Variants in SPRYD4 observed in about 807,000 individuals in gnomAD.
SPRYD4 encodes SPRY domain containing 4, also known as SPRY domain-containing protein 4.
SPRYD4 carries 12 observed loss-of-function variants against 16.6 expected under a neutral mutation model. The ratio of observed to expected loss-of-function variants is 0.72; its 90% CI spans 0.46 to 1.17. The LOEUF (loss-of-function observed/expected upper bound fraction) is 1.17, where lower values mean the gene tolerates loss of function less well. SPRYD4 is among the 50% of genes most tolerant of loss of function. The probability of loss-of-function intolerance (pLI) is 0.00; values close to 1 mark genes in which losing one functional copy is unlikely to be tolerated. For missense variants in SPRYD4, 260 were observed against 260.2 expected (o/e 1.00, Z 0.00); for synonymous variants, 98 against 105.4 (o/e 0.93, Z 0.43).
chr12:56,468,669 C>T lies in SPRYD4; in HGVS notation c.78C>T (p.Ala26=), dbSNP rs1020872100. The change falls in exon 1 of 2, where the codon GCC becomes GCT. Residue 26 remains alanine, a synonymous_variant. Transcript: ENST00000338146. The part of the protein sequence containing the change: ...AKRLGVASTE[A]QRGVSFKLEE... ...GATTGGGAGTTGCCTCCACAGAGGC[C>T]CAGAGAGGTAGGATTATCTCTTTTT... 6.2e-7 allele frequency: 1 copy of T among 1,613,650 alleles called. No individual in the cohort carries two copies. Among genetic ancestry groups the T allele is most frequent in the Admixed American group, 1.7e-5 (1 of 60,018 alleles).
chr12:56,472,396 C>T lies in SPRYD4; in HGVS notation c.*2819C>T. 1.6e-6 allele frequency: 1 copy of T among 611,390 alleles called. No individual in the cohort carries two copies. Among genetic ancestry groups the T allele is most frequent in the South Asian group, 2.0e-5 (1 of 50,346 alleles). The allele number at this position is 611,390 out of a possible 1,614,324, so 37.9% of individuals were successfully genotyped here. On this transcript the variant is annotated 3_prime_UTR_variant, in exon 2 of 2. Coordinates refer to ENST00000338146, the MANE Select transcript of SPRYD4 (RefSeq NM_207344.4). ...TTAGAGAGATGGGAATGTGATCCTTCCAGAAATATCACTCACTGCCTACCT... is the reference window on the plus strand; with the variant it reads ...TTAGAGAGATGGGAATGTGATCCTTTCAGAAATATCACTCACTGCCTACCT...
At position 56,473,174 on chromosome 12, in the gene SPRYD4, C is replaced by A; in HGVS notation, c.*3597C>A. 1 of 1,532,986 alleles carries A rather than the reference C, an allele frequency of 6.5e-7. No individual in the cohort carries two copies. The highest frequency in any genetic ancestry group is 1.7e-5 in the Admixed American group (1 of 59,494). 95.0% of individuals were successfully genotyped at this position (1,532,986 alleles called of 1,614,324 possible). ...AAAGTGCAGGGATTACAGGCGTGAG[C>A]CACCGCACCTGGCCTTTGAAATATT... On this transcript the variant is annotated 3_prime_UTR_variant, in exon 2 of 2. Coordinates refer to ENST00000338146, the MANE Select transcript of SPRYD4 (RefSeq NM_207344.4).
rs569011089 is a variant in SPRYD4 at position 56,479,644 on chromosome 12, T to G, written c.*10067T>G. 263 of 1,051,492 alleles carry G rather than the reference T, an allele frequency of 2.5e-4. No individual in the cohort carries two copies. The highest frequency in any genetic ancestry group is 3.2e-4 in the Non-Finnish European group (248 of 768,798). The allele number at this position is 1,051,492 out of a possible 1,614,324, so 65.1% of individuals were successfully genotyped here. A position where few individuals can be genotyped will look rare whatever the true frequency, so the allele number is the denominator to read the frequency against. On this transcript the variant is annotated 3_prime_UTR_variant, in exon 2 of 2. Transcript: ENST00000338146. ...TTTGAACTCTTATGATGAGTATTCA[T>G]GTATAACTTATGTAATAAGTAATAA...
chr12:56,469,731 C>G lies in SPRYD4; in HGVS notation c.*154C>G. The G allele has an allele frequency of 5.2e-6, 4 of 773,628 alleles. No individual in the cohort carries two copies. Among genetic ancestry groups the G allele is most frequent in the Non-Finnish European group, 8.0e-6 (4 of 496,948 alleles). 47.9% of individuals were successfully genotyped at this position (773,628 alleles called of 1,614,324 possible). On this transcript the variant is annotated 3_prime_UTR_variant, in exon 2 of 2. Coordinates refer to ENST00000338146, the MANE Select transcript of SPRYD4 (RefSeq NM_207344.4). ...TCATGATCATCTTCCTCATCCCCTACCTTGTGAAAGCTAGGCATACAGCCA... is the reference window on the plus strand; with the variant it reads ...TCATGATCATCTTCCTCATCCCCTAGCTTGTGAAAGCTAGGCATACAGCCA...
Position 56,477,618 on chromosome 12 carries a change from C to G in SPRYD4, c.*8041C>G. On this transcript the variant is annotated 3_prime_UTR_variant, in exon 2 of 2. Transcript: ENST00000338146. Reference sequence around the variant, plus strand: ...TATGAGGGATACAGGAACACAGGAGCTTAGAGGATAATACCTATCAGAAGG... The same window carrying G: ...TATGAGGGATACAGGAACACAGGAGGTTAGAGGATAATACCTATCAGAAGG... The G allele has an allele frequency of 6.3e-7, 1 of 1,580,202 alleles. No individual in the cohort carries two copies. The highest frequency in any genetic ancestry group is 8.7e-7 in the Non-Finnish European group (1 of 1,155,716).
Position 56,469,223 on chromosome 12 carries a change from G to T in SPRYD4, c.270G>T (p.Trp90Cys), listed in dbSNP as rs778367379. ...DTAVTSGRHY[W>C]EVTVKRSQQF... is the part of the protein sequence containing the mutation. Reference sequence around the variant, plus strand: ...CGGTCACCAGTGGCAGACACTACTGGGAAGTGACAGTGAAGCGCTCCCAGC... The same window carrying T: ...CGGTCACCAGTGGCAGACACTACTGTGAAGTGACAGTGAAGCGCTCCCAGC... The change falls in exon 2 of 2, where the codon TGG becomes TGT. Residue 90 changes from tryptophan (W) to cysteine (C), a missense_variant. Physicochemically the swap from Trp to Cys is radical, Grantham distance 215 (BLOSUM62 -2). Coordinates refer to ENST00000338146, the MANE Select transcript of SPRYD4 (RefSeq NM_207344.4). 4 of 1,613,978 alleles carry T rather than the reference G, an allele frequency of 2.5e-6. No homozygotes were observed. The Admixed American group carries it at 5.0e-5, about 20-fold the overall frequency.
At position 56,473,037 on chromosome 12, in the gene SPRYD4, G is replaced by C. The variant is rs549521174; in HGVS notation, c.*3460G>C. 5.8e-5 allele frequency: 35 copies of C among 608,414 alleles called. No individual in the cohort carries two copies. The highest frequency in any genetic ancestry group is 5.7e-4 in the African/African-American group (31 of 53,924). 37.7% of individuals were successfully genotyped at this position (608,414 alleles called of 1,614,324 possible). On this transcript the variant is annotated 3_prime_UTR_variant, in exon 2 of 2. Coordinates refer to ENST00000338146, the MANE Select transcript of SPRYD4 (RefSeq NM_207344.4). The stretch of plus-strand genomic sequence containing the variant: ...CCCAAGTAGCTGGGACCACAGGCGC[G>C]TGCCACCACGTCTGGCTAATTTTTT...
At position 56,471,996 on chromosome 12, in the gene SPRYD4, G is replaced by GTGTCTAGATAAAA; in HGVS notation, c.*2420_*2432dup. On this transcript the variant is annotated 3_prime_UTR_variant, in exon 2 of 2. Coordinates refer to ENST00000338146, the MANE Select transcript of SPRYD4 (RefSeq NM_207344.4). ...TCATAGTCTAGCTGCAAACCGAAGG[G>GTGTCTAGATAAAA]TGTCTAGATAAAACTAGTTGCTGCC... 7 of 1,285,050 alleles carry GTGTCTAGATAAAA rather than the reference G, an allele frequency of 5.4e-6. No individual in the cohort carries two copies. The highest frequency in any genetic ancestry group is 7.8e-6 in the Non-Finnish European group (7 of 893,948). 79.6% of individuals were successfully genotyped at this position (1,285,050 alleles called of 1,614,324 possible).
chr12:56,477,811 A>G lies in SPRYD4; in HGVS notation c.*8234A>G, dbSNP rs553049393. 2.4e-5 allele frequency: 37 copies of G among 1,540,544 alleles called. No individual in the cohort carries two copies. Among genetic ancestry groups the G allele is most frequent in the Non-Finnish European group, 3.3e-5 (37 of 1,130,774 alleles). On this transcript the variant is annotated 3_prime_UTR_variant, in exon 2 of 2. Transcript: ENST00000338146. ...TGTGGGTTAGACAAGAAAGACTGCT[A>G]GGGAGAAAGGCATGACAGGGCTAAT...
In SPRYD4 at chr12:56,473,044, C is replaced by T; in HGVS notation, c.*3467C>T. 1.6e-6 allele frequency: 1 copy of T among 622,826 alleles called. No homozygotes were observed. Among genetic ancestry groups the T allele is most frequent in the Non-Finnish European group, 2.7e-6 (1 of 363,912 alleles). 38.6% of individuals were successfully genotyped at this position (622,826 alleles called of 1,614,324 possible). A position where few individuals can be genotyped will look rare whatever the true frequency, so the allele number is the denominator to read the frequency against. On this transcript the variant is annotated 3_prime_UTR_variant, in exon 2 of 2. Transcript: ENST00000338146. Reference sequence around the variant, plus strand: ...AGCTGGGACCACAGGCGCGTGCCACCACGTCTGGCTAATTTTTTGTATTTT... The same window carrying T: ...AGCTGGGACCACAGGCGCGTGCCACTACGTCTGGCTAATTTTTTGTATTTT...
In SPRYD4 at chr12:56,471,079, T is replaced by G; in HGVS notation, c.*1502T>G. 1 of 334,032 alleles carries G rather than the reference T, an allele frequency of 3.0e-6. No individual in the cohort carries two copies. The highest frequency in any genetic ancestry group is 5.4e-6 in the Non-Finnish European group (1 of 185,470). The allele number at this position is 334,032 out of a possible 1,614,324, so 20.7% of individuals were successfully genotyped here. A position where few individuals can be genotyped will look rare whatever the true frequency, so the allele number is the denominator to read the frequency against. ...TTCTCCAGACTACTAAAGCCATGTA[T>G]ATAGCCATTCCCACTTCCCATATTC... is the stretch of plus-strand genomic sequence containing the variant. On this transcript the variant is annotated 3_prime_UTR_variant, in exon 2 of 2. Coordinates refer to ENST00000338146, the MANE Select transcript of SPRYD4 (RefSeq NM_207344.4).
Position 56,469,774 on chromosome 12 carries a change from C to A in SPRYD4, c.*197C>A, listed in dbSNP as rs2136174019. 3.7e-6 allele frequency: 2 copies of A among 537,404 alleles called. No homozygotes were observed. The highest frequency in any genetic ancestry group is 6.4e-6 in the Non-Finnish European group (2 of 312,928). The allele number at this position is 537,404 out of a possible 1,614,324, so 33.3% of individuals were successfully genotyped here. A position where few individuals can be genotyped will look rare whatever the true frequency, so the allele number is the denominator to read the frequency against. ...TACAGCCAAACCCTCCTTTTCCCCA[C>A]CCACCAACTACTGCCAATTTCCTAG... On this transcript the variant is annotated 3_prime_UTR_variant, in exon 2 of 2. Coordinates refer to ENST00000338146, the MANE Select transcript of SPRYD4 (RefSeq NM_207344.4).
Position 56,471,379 on chromosome 12 carries a change from G to A in SPRYD4, c.*1802G>A, listed in dbSNP as rs1445410464. On this transcript the variant is annotated 3_prime_UTR_variant, in exon 2 of 2. Coordinates refer to ENST00000338146, the MANE Select transcript of SPRYD4 (RefSeq NM_207344.4). ...AGCCTAAGTCACCAAATGACTGCTT[G>A]GTCCCCACTGAAGCAGTGTAGCTCT... 5.1e-6 allele frequency: 6 copies of A among 1,187,564 alleles called. No individual in the cohort carries two copies. Among genetic ancestry groups the A allele is most frequent in the Non-Finnish European group, 7.0e-6 (6 of 861,754 alleles). 73.6% of individuals were successfully genotyped at this position (1,187,564 alleles called of 1,614,324 possible).
In SPRYD4 at chr12:56,479,097, A is replaced by G. The variant is rs759754122; in HGVS notation, c.*9520A>G. ...TGACATCCTCAAAGATGCGATCCAC[A>G]TGGCCCGTGAACTCCTCAAAATCAG... On this transcript the variant is annotated 3_prime_UTR_variant, in exon 2 of 2. Transcript: ENST00000338146. The G allele has an allele frequency of 1.2e-6, 2 of 1,613,908 alleles. No homozygotes were observed. The highest frequency in any genetic ancestry group is 2.2e-5 in the East Asian group (1 of 44,874).
At position 56,476,000 on chromosome 12, in the gene SPRYD4, C is replaced by T; in HGVS notation, c.*6423C>T. ...CATCTGCAGAGAAAGAGAGAGATGT[C>T]AGCATTCTAAGTGTAGGAGGATGAC... On this transcript the variant is annotated 3_prime_UTR_variant, in exon 2 of 2. Transcript: ENST00000338146. The T allele has an allele frequency of 6.2e-7, 1 of 1,610,862 alleles. No homozygotes were observed. The highest frequency in any genetic ancestry group is 8.5e-7 in the Non-Finnish European group (1 of 1,179,366).
At position 56,473,705 on chromosome 12, in the gene SPRYD4, CACCTCA is replaced by C; in HGVS notation, c.*4133_*4138del. 3 of 1,344,830 alleles carry C rather than the reference CACCTCA, an allele frequency of 2.2e-6. No individual in the cohort carries two copies. Among genetic ancestry groups the C allele is most frequent in the Non-Finnish European group, 3.0e-6 (3 of 1,007,304 alleles). The allele number at this position is 1,344,830 out of a possible 1,614,324, so 83.3% of individuals were successfully genotyped here. A position where few individuals can be genotyped will look rare whatever the true frequency, so the allele number is the denominator to read the frequency against. ...TACAAATGACTGCATGACCACAATC[CACCTCA>C]ACCTTTTGGCTTGTTAATTAGCTTC... On this transcript the variant is annotated 3_prime_UTR_variant, in exon 2 of 2. Coordinates refer to ENST00000338146, the MANE Select transcript of SPRYD4 (RefSeq NM_207344.4).
At position 56,475,002 on chromosome 12, in the gene SPRYD4, C is replaced by G. The variant is rs767518156; in HGVS notation, c.*5425C>G. ...ACCCCTACTGCCCTTCCACTAGCAG[C>G]AGAATTCCCAGGGACTTTCTCTTCC... On this transcript the variant is annotated 3_prime_UTR_variant, in exon 2 of 2. Transcript: ENST00000338146. 9 of 1,613,850 alleles carry G rather than the reference C, an allele frequency of 5.6e-6. No homozygotes were observed. The highest frequency in any genetic ancestry group is 3.3e-5 in the Admixed American group (2 of 59,998).
Position 56,479,007 on chromosome 12 carries a change from T to C in SPRYD4, c.*9430T>C. 7.5e-7 allele frequency: 1 copy of C among 1,332,868 alleles called. No individual in the cohort carries two copies. Among genetic ancestry groups the C allele is most frequent in the Admixed American group, 2.4e-5 (1 of 41,594 alleles). 82.6% of individuals were successfully genotyped at this position (1,332,868 alleles called of 1,614,324 possible). On this transcript the variant is annotated 3_prime_UTR_variant, in exon 2 of 2. Coordinates refer to ENST00000338146, the MANE Select transcript of SPRYD4 (RefSeq NM_207344.4). Reference sequence around the variant, plus strand: ...TCAGGAAAAAAAAAAAAAAAAAAAATCTGGCCCAGGTCCCTGACCCCTCCC... The same window carrying C: ...TCAGGAAAAAAAAAAAAAAAAAAAACCTGGCCCAGGTCCCTGACCCCTCCC...
At position 56,471,279 on chromosome 12, in the gene SPRYD4, A is replaced by G; in HGVS notation, c.*1702A>G. 1 of 546,016 alleles carries G rather than the reference A, an allele frequency of 1.8e-6. No individual in the cohort carries two copies. Among genetic ancestry groups the G allele is most frequent in the Non-Finnish European group, 3.2e-6 (1 of 313,774 alleles). The allele number at this position is 546,016 out of a possible 1,614,324, so 33.8% of individuals were successfully genotyped here. A position where few individuals can be genotyped will look rare whatever the true frequency, so the allele number is the denominator to read the frequency against. ...CAGTCTCTCTGGATAGCTGTACTGC[A>G]GGTGTCCTCTGAGGCCCTTCTCTGT... On this transcript the variant is annotated 3_prime_UTR_variant, in exon 2 of 2. Transcript: ENST00000338146.
Sources: allele counts gnomAD v4.1 joint callset, GRCh38; gene constraint gnomAD v4.1.1; transcripts MANE v1.5; gene names NCBI Gene and HGNC (gene_info 2026-07-23, HGNC 2026-07-21).